IGFN1: variants seen among roughly 807,000 people sequenced by gnomAD.
The protein encoded by IGFN1 is immunoglobulin-like and fibronectin type III domain-containing protein 1.
In IGFN1, 253 loss-of-function variants were observed where a neutral mutation model predicts 289.5. The observed-to-expected ratio is 0.87, with a 90% CI of 0.79 to 0.97. The LOEUF is 0.97. Among genes scored for constraint, IGFN1 ranks in the 50% least tolerant of loss-of-function variants. IGFN1 has a pLI of 0.00. For missense variants in IGFN1, 4,470 were observed against 4,686.1 expected (o/e 0.95, Z 1.35); for synonymous variants, 1,706 against 1,788.5 (o/e 0.95, Z 1.16).
At chr1:201,220,131 C>A (rs1267975656) in intron 18 of IGFN1, among the ~76,000 whole-genome samples, 18 of 142,336 alleles carry the variant, frequency 1.3e-4, no homozygotes, top group East Asian at 6.4e-4. Context: ...TCTCTTCTTT[C>A]TTTCTCTCTC....
At chr1:201,219,598 A>G (rs1053231257) in intron 18 of IGFN1, among the ~76,000 whole-genome samples, 2 of 152,214 alleles carry the variant, frequency 1.3e-5, no homozygotes, top group Non-Finnish European at 2.9e-5. Flanking sequence ...TGTATTTCTC[A>G]TCCCCTAATC....
In IGFN1 at chr1:201,212,166, G is replaced by A. The variant is rs573609096; in HGVS notation, c.7273G>A (p.Gly2425Arg). 5.7e-5 allele frequency: 88 copies of A among 1,536,102 alleles called. No homozygotes were observed. The African/African-American group carries it at 1.0e-3, about 18-fold the overall frequency. Residue 2425 changes from glycine (G) to arginine (R), a missense_variant, in exon 12 of 24, where the codon GGG becomes AGG. Physicochemically the swap from Gly to Arg is moderately radical, Grantham distance 125. Transcript: ENST00000335211. ...VDGAGPGVEP[G>R]MAGMPGTAGG... ...TGGGGCAGGACCTGGGGTGGAACCTGGGATGGCTGGAATGCCAGGCACTGC... is the reference window on the plus strand; with the variant it reads ...TGGGGCAGGACCTGGGGTGGAACCTAGGATGGCTGGAATGCCAGGCACTGC...
At chr1:201,202,358 G>C (rs1011721811) in intron 9 of IGFN1, among the ~76,000 whole-genome samples, 3 of 152,116 alleles carry the variant, frequency 2.0e-5, no homozygotes, top group African/African-American at 7.2e-5. Flanking sequence ...TGTGAACTGG[G>C]GATAATATAG....
chr1:201,217,741 A>G (rs567045357), intron 17 of IGFN1, among the ~76,000 whole-genome samples: 30 of 152,278 alleles, frequency 2.0e-4, no homozygotes, highest in African/African-American at 7.0e-4. Flanking sequence ...AAAAATCCCA[A>G]AGAAGAATCT....
At position 201,209,839 on chromosome 1, in the gene IGFN1, G is replaced by C. The variant is rs1474051954; in HGVS notation, c.4946G>C (p.Gly1649Ala). The C allele has an allele frequency of 6.8e-7, 1 of 1,478,382 alleles. No individual in the cohort carries two copies. Among genetic ancestry groups the C allele is most frequent in the Non-Finnish European group, 9.1e-7 (1 of 1,103,674 alleles). The allele number at this position is 1,478,382 out of a possible 1,614,324, so 91.6% of individuals were successfully genotyped here. A position where few individuals can be genotyped will look rare whatever the true frequency, so the allele number is the denominator to read the frequency against. ...GATTTGGGGGCTCCTAAGGGAATAG[G>C]TTCAGGGAGCAAGGCAGGTTTTAGG... The part of the protein sequence containing the change: ...RKDLGAPKGI[G>A]SGSKAGFRDG... The change falls in exon 12 of 24, where the codon GGT (glycine) becomes GCT (alanine). Residue 1649 changes from glycine (G) to alanine (A), a missense_variant. By Grantham distance (60) the Gly-to-Ala change is moderately conservative. Transcript: ENST00000335211.
intron 8 of IGFN1, among the ~76,000 whole-genome samples, chr1:201,201,401 C>T (rs988523012): frequency 5.3e-4 from 80 of 152,294 alleles, no homozygotes; most frequent in African/African-American, 1.7e-3. Flanking sequence ...GGCTTTAACA[C>T]GGGACCTAGC....
rs1425984332 is a variant in IGFN1 at position 201,207,028 on chromosome 1, G to A, written c.2135G>A (p.Trp712Ter). Residue 712 changes from tryptophan to a stop codon, truncating the protein, a stop_gained, in exon 12 of 24, where the codon TGG becomes TAG. Coordinates refer to ENST00000335211, the MANE Select transcript of IGFN1 (RefSeq NM_001164586.2). LOFTEE classifies it high-confidence loss of function. ...DADYGEARGY[W>*]GSGELLEQIP... ...GACTATGGGGAAGCCAGGGGCTACT[G>A]GGGGTCAGGAGAGTTGCTAGAACAG... 1.3e-6 allele frequency: 2 copies of A among 1,536,664 alleles called. No individual in the cohort carries two copies. The highest frequency in any genetic ancestry group is 2.0e-5 in the Admixed American group (1 of 50,966).
Position 201,212,510 on chromosome 1 carries a change from G to A in IGFN1, c.7617G>A (p.Trp2539Ter). 3 of 1,545,052 alleles carry A rather than the reference G, an allele frequency of 1.9e-6. No homozygotes were observed. Among genetic ancestry groups the A allele is most frequent in the Non-Finnish European group, 2.6e-6 (3 of 1,146,848 alleles). ...AGGGGGCAGTGGAAGGTGAGACCTG[G>A]GCAGGAATGGCTGCTCTAGGGTCTG... is the stretch of plus-strand genomic sequence containing the variant. ...DGKGAVEGET[W>*]AGMAALGSGY... Residue 2539 changes from tryptophan (W) to a stop codon, truncating the protein, a stop_gained, in exon 12 of 24, where the codon TGG becomes TGA. Transcript: ENST00000335211. LOFTEE classifies it high-confidence loss of function.
rs1667751476 is a variant in IGFN1, at chr1:201,211,106, G to GAAGGATTT, written c.6215_6222dup (p.Gly2075ArgfsTer3). 1 of 1,508,228 alleles carries GAAGGATTT rather than the reference G, an allele frequency of 6.6e-7. No homozygotes were observed. Among genetic ancestry groups the GAAGGATTT allele is most frequent in the African/African-American group, 1.4e-5 (1 of 71,236 alleles). 93.4% of individuals were successfully genotyped at this position (1,508,228 alleles called of 1,614,324 possible). ...GGTCAGTGAATGAGGCAGGTTATAGGAAGGATTTAGGGGCTCCTAAGGGAA... is the reference window on the plus strand; with the variant it reads ...GGTCAGTGAATGAGGCAGGTTATAGGAAGGATTTAAGGATTTAGGGGCTCCTAAGGGAA... On this transcript the variant is annotated frameshift_variant, in exon 12 of 24. Transcript: ENST00000335211. LOFTEE classifies it high-confidence loss of function.
intron 17 of IGFN1, 35 bp from the exon 18 acceptor site, chr1:201,218,495 T>A: frequency 2.5e-6 from 4 of 1,599,480 alleles, no homozygotes; most frequent in Non-Finnish European, 3.4e-6. Flanking sequence ...TCCAGCACCA[T>A]CAGGGTGGGA....
rs1286867194 is a variant in IGFN1 at position 201,211,144 on chromosome 1, G to A, written c.6251G>A (p.Ser2084Asn). The stretch of plus-strand genomic sequence containing the variant: ...GCTCCTAAGGGAATGGGTTCAGGGA[G>A]TAAGACAGGTTTCAGGGATGGTTTA... ...LGAPKGMGSG[S>N]KTGFRDGLGG... Residue 2084 changes from serine to asparagine, a missense_variant, in exon 12 of 24, where the codon AGT (serine) becomes AAT (asparagine). Transcript: ENST00000335211. The A allele has an allele frequency of 3.9e-6, 6 of 1,529,156 alleles. No individual in the cohort carries two copies. The highest frequency in any genetic ancestry group is 5.3e-6 in the Non-Finnish European group (6 of 1,141,984). The allele number at this position is 1,529,156 out of a possible 1,614,324, so 94.7% of individuals were successfully genotyped here.
intron 17 of IGFN1, 114 bp from the exon 18 acceptor site, chr1:201,218,416 G>T: frequency 1.0e-6 from 1 of 953,898 alleles, no homozygotes; most frequent in Non-Finnish European, 1.6e-6. Flanking sequence ...GGGATGTAGG[G>T]AGGGATGTGT....
At position 201,222,874 on chromosome 1, in the gene IGFN1, A is replaced by C. The variant is rs762402674; in HGVS notation, c.10290+47A>C. 13 of 1,371,322 alleles carry C rather than the reference A, an allele frequency of 9.5e-6. No individual in the cohort carries two copies. In the East Asian group the frequency reaches 2.8e-4, roughly 30 times the overall value. 84.9% of individuals were successfully genotyped at this position (1,371,322 alleles called of 1,614,324 possible). On this transcript the variant is annotated intron_variant, in intron 20 of 23. Transcript: ENST00000335211. ...TGGGGAGGGAAGCCCAGAGAGGCCA[A>C]GGGGGCCAGACTCAGCCCTGTGGCT...
Position 201,212,308 on chromosome 1 carries a change from C to T in IGFN1, c.7415C>T (p.Thr2472Ile). The T allele has an allele frequency of 1.3e-6, 2 of 1,536,608 alleles. No homozygotes were observed. Among genetic ancestry groups the T allele is most frequent in the Non-Finnish European group, 8.7e-7 (1 of 1,146,770 alleles). ...GSTKDLGGYG[T>I]SGIPEASEAA... Reference sequence around the variant, plus strand: ...ACCAAAGATCTTGGGGGCTATGGAACTTCAGGGATCCCTGAGGCCTCGGAG... The same window carrying T: ...ACCAAAGATCTTGGGGGCTATGGAATTTCAGGGATCCCTGAGGCCTCGGAG... Residue 2472 changes from threonine (T) to isoleucine (I), a missense_variant, in exon 12 of 24, where the codon ACT becomes ATT. By Grantham distance (89) the Thr-to-Ile change is moderately conservative. Coordinates refer to ENST00000335211, the MANE Select transcript of IGFN1 (RefSeq NM_001164586.2).
At chr1:201,200,072 A>T (rs1667083099) in intron 7 of IGFN1, among the ~76,000 whole-genome samples, 165 bp from the exon 8 acceptor site, 2 of 152,090 alleles carry the variant, frequency 1.3e-5, no homozygotes, top group South Asian at 2.1e-4. Context: ...CCCATCTCTG[A>T]ATCCTTCTGG....
In IGFN1 at chr1:201,208,607, C is replaced by T; in HGVS notation, c.3714C>T (p.Gly1238=). The T allele has an allele frequency of 6.6e-7, 1 of 1,507,308 alleles. No individual in the cohort carries two copies. The highest frequency in any genetic ancestry group is 8.8e-7 in the Non-Finnish European group (1 of 1,135,120). The allele number at this position is 1,507,308 out of a possible 1,614,324, so 93.4% of individuals were successfully genotyped here. A position where few individuals can be genotyped will look rare whatever the true frequency, so the allele number is the denominator to read the frequency against. Residue 1238 remains glycine (G), a synonymous_variant, in exon 12 of 24, where the codon GGC becomes GGT. Coordinates refer to ENST00000335211, the MANE Select transcript of IGFN1 (RefSeq NM_001164586.2). The part of the protein sequence containing the change: ...VRTAYGERSR[G]LGPRSTGPGG... ...CAGCCTATGGAGAAAGGTCAAGGGG[C>T]CTTGGGCCTAGGAGTACAGGGCCAG...
chr1:201,194,112 G>T (rs983652497), intron 2 of IGFN1, 42 bp from the exon 3 acceptor site: 30 of 1,546,696 alleles, frequency 1.9e-5, no homozygotes, highest in Non-Finnish European at 2.6e-5. Flanking sequence ...CCAGGAGGAA[G>T]AAGGTGGAAG....
rs1167387632 is a variant in IGFN1, at chr1:201,212,178, A to G, written c.7285A>G (p.Met2429Val). Residue 2429 changes from methionine to valine, a missense_variant, in exon 12 of 24, where the codon ATG (methionine) becomes GTG (valine). Transcript: ENST00000335211. ...GPGVEPGMAG[M>V]PGTAGGMAHR... ...TGGGGTGGAACCTGGGATGGCTGGA[A>G]TGCCAGGCACTGCAGGTGGCATGGC... 20 of 1,535,688 alleles carry G rather than the reference A, an allele frequency of 1.3e-5. No homozygotes were observed. The highest frequency in any genetic ancestry group is 1.4e-5 in the African/African-American group (1 of 72,984).
rs1667419549 is a variant in IGFN1, at chr1:201,206,323, G to A, written c.1430G>A (p.Gly477Glu). 6.5e-7 allele frequency: 1 copy of A among 1,550,370 alleles called. No homozygotes were observed. The highest frequency in any genetic ancestry group is 8.7e-7 in the Non-Finnish European group (1 of 1,146,972). ...RHGYSLMGDK[G>E]TADSAWGPGQ... ...GGCTACTCCTTGATGGGGGACAAAG[G>A]GACAGCTGACTCAGCCTGGGGCCCT... Residue 477 changes from glycine to glutamate, a missense_variant, in exon 12 of 24, where the codon GGG becomes GAG. Gly to Glu is a moderately conservative substitution (Grantham distance 98). Around this residue, in one of 8 missense-constraint regions of IGFN1, gnomAD observed 2,011 missense variants for 1,953.4 expected, o/e 1.03. Coordinates refer to ENST00000335211, the MANE Select transcript of IGFN1 (RefSeq NM_001164586.2).
Sources: gnomAD v4.1 joint callset for allele counts (sites outside exome capture counted in the v4.1 genomes callset) on GRCh38, gnomAD v4.1.1 for gene constraint, gnomAD v4.1.1 regional missense constraint, MANE v1.5 for transcripts, NCBI Gene and HGNC (gene_info 2026-07-23, HGNC 2026-07-21) for gene names.